TLN2: variants seen among roughly 807,000 people sequenced by gnomAD.
TLN2 encodes the protein talin-2.
TLN2 carries 118 observed loss-of-function variants against 294.7 expected under a neutral mutation model. The observed-to-expected ratio is 0.40, with a 90% CI of 0.34 to 0.47. The LOEUF (loss-of-function observed/expected upper bound fraction) is 0.47, where lower values mean the gene tolerates loss of function less well. Ranked by LOEUF, TLN2 falls within the 20% of genes least tolerant of loss-of-function variation. TLN2 has a pLI of 0.84. For synonymous variants in TLN2, 1,431 were observed against 1,304.5 expected (o/e 1.10, Z -2.09); for missense variants, 3,083 against 3,282.2 (o/e 0.94, Z 1.48).
intron 25 of TLN2, among the ~76,000 whole-genome samples, chr15:62,720,697 G>A (rs8025899): frequency 0.089 from 13,281 of 149,356 alleles, 920 homozygotes; most frequent in African/African-American, 0.2. Flanking sequence ...TTTTAAATTG[G>A]TATTCATTGT....
At chr15:62,776,416 C>G (rs899739388) in intron 42 of TLN2, among the ~76,000 whole-genome samples, 1 of 152,102 alleles carries the variant, frequency 6.6e-6, no homozygotes, top group Admixed American at 6.5e-5. Context: ...CACATTTTTT[C>G]ATTATATTAT....
At chr15:62,706,268 G>T (rs961061051) in intron 19 of TLN2, among the ~76,000 whole-genome samples, 6 of 152,210 alleles carry the variant, frequency 3.9e-5, no homozygotes, top group Admixed American at 3.3e-4. Flanking sequence ...TGTAACCATG[G>T]TTCTTCTTCA....
chr15:62,608,733 CG>C (rs1214433907), intron 2 of TLN2, among the ~76,000 whole-genome samples: 1 of 151,830 alleles, frequency 6.6e-6, no homozygotes, highest in South Asian at 2.1e-4. Context: ...TTAGGGAGGT[CG>C]GGGGTAGACT....
At chr15:62,704,474 C>T (rs1479698693) in intron 19 of TLN2, among the ~76,000 whole-genome samples, 2 of 152,162 alleles carry the variant, frequency 1.3e-5, no homozygotes, top group Non-Finnish European at 2.9e-5. Flanking sequence ...GTTAGTTAAA[C>T]GAAGATGGGA....
intron 46 of TLN2, among the ~76,000 whole-genome samples, chr15:62,795,123 T>C (rs1343784380): frequency 6.6e-6 from 1 of 152,192 alleles, no homozygotes; most frequent in Admixed American, 6.5e-5. Flanking sequence ...TCAGCTGTTT[T>C]GCAGGCTGCT....
At position 62,843,654 on chromosome 15, in the gene TLN2, A is replaced by T. The variant is rs981924410; in HGVS notation, c.*3044A>T. 5.2e-5 allele frequency: 8 copies of T among 152,384 alleles called. No individual in the cohort carries two copies. Among genetic ancestry groups the T allele is most frequent in the East Asian group, 1.9e-4 (1 of 5,182 alleles). 9.4% of individuals were successfully genotyped at this position (152,384 alleles called of 1,614,324 possible). A position where few individuals can be genotyped will look rare whatever the true frequency, so the allele number is the denominator to read the frequency against. ...CACCTGCTTGCTTTCTGGCTGTCTT[A>T]GTCAGTGTGTTTACAGGCAACTAAA... On this transcript the variant is annotated 3_prime_UTR_variant, in exon 59 of 59. Transcript: ENST00000636159.
chr15:62,465,448 C>A (rs1200658730), intron 1 of TLN2, among the ~76,000 whole-genome samples: 8 of 152,132 alleles, frequency 5.3e-5, no homozygotes, highest in Non-Finnish European at 4.4e-5. Flanking sequence ...CCTAGTCAGG[C>A]CAGTTATATT....
chr15:62,824,216 A>ATAAG (rs1429973838), intron 54 of TLN2, among the ~76,000 whole-genome samples: 1 of 152,214 alleles, frequency 6.6e-6, no homozygotes, highest in Non-Finnish European at 1.5e-5. Flanking sequence ...TATAGAAACA[A>ATAAG]TAAGTGTTGA....
At chr15:62,680,063 G>A (rs1596672571) in intron 11 of TLN2, among the ~76,000 whole-genome samples, 3 of 152,034 alleles carry the variant, frequency 2.0e-5, no homozygotes, top group South Asian at 2.1e-4. Flanking sequence ...TCACACTGTC[G>A]TGATCAACTT....
At position 62,607,583 on chromosome 15, in the gene TLN2, G is replaced by A. The variant is rs541579709; in HGVS notation, c.-161-10768G>A. 6.7e-4 allele frequency among the ~76,000 whole-genome samples: 102 copies of A among 152,280 alleles called. 1 individual carries two copies. Among genetic ancestry groups the A allele is most frequent in the African/African-American group, 2.3e-3 (94 of 41,566 alleles). ...AAATATAAGGAATAATAAACGAAAC[G>A]TCCAAAAGGATCCCTCCTTTCAAAC... On this transcript the variant is annotated intron_variant, in intron 2 of 58. Transcript: ENST00000636159.
intron 47 of TLN2, 110 bp from the exon 48 acceptor site, chr15:62,797,109 T>C: frequency 8.1e-7 from 1 of 1,234,578 alleles, no homozygotes; most frequent in Non-Finnish European, 1.1e-6. Flanking sequence ...ACTTCTCTTC[T>C]TCAAAGCCCT....
chr15:62,780,294 G>A (rs914824438), intron 43 of TLN2, among the ~76,000 whole-genome samples: 29 of 152,122 alleles, frequency 1.9e-4, no homozygotes, highest in African/African-American at 7.0e-4. Flanking sequence ...TTCATCATTG[G>A]CATTATCATC....
chr15:62,797,111 C>T (rs1448928190), intron 47 of TLN2, 108 bp from the exon 48 acceptor site: 4 of 1,252,472 alleles, frequency 3.2e-6, no homozygotes, highest in Non-Finnish European at 4.5e-6. Flanking sequence ...TTCTCTTCTT[C>T]AAAGCCCTTT....
intron 1 of TLN2, among the ~76,000 whole-genome samples, chr15:62,484,373 G>A (rs2038268905): frequency 6.6e-6 from 1 of 152,110 alleles, no homozygotes; most frequent in Non-Finnish European, 1.5e-5. Flanking sequence ...TGAAACGGAG[G>A]TCATTCATTT....
At chr15:62,571,821 A>G (rs1024998962) in intron 1 of TLN2, among the ~76,000 whole-genome samples, 1 of 152,230 alleles carries the variant, frequency 6.6e-6, no homozygotes, top group African/African-American at 2.4e-5. Context: ...CTTAAACACA[A>G]TTATAATCCC....
At chr15:62,433,389 C>G (rs1390493726) in intron 1 of TLN2, among the ~76,000 whole-genome samples, 1 of 152,136 alleles carries the variant, frequency 6.6e-6, no homozygotes, top group African/African-American at 2.4e-5. Context: ...AGTTCTGAAA[C>G]TCCATAGGGC....
At chr15:62,693,654 A>G (rs1196466467) in intron 13 of TLN2, among the ~76,000 whole-genome samples, 1 of 151,996 alleles carries the variant, frequency 6.6e-6, no homozygotes, top group Non-Finnish European at 1.5e-5. Flanking sequence ...AGTGGTATAT[A>G]GAAAAACAGA....
chr15:62,702,956 A>G (rs1356110946), intron 19 of TLN2, 92 bp downstream of exon 19: 9 of 1,148,610 alleles, frequency 7.8e-6, no homozygotes, highest in Non-Finnish European at 1.2e-5. Context: ...AAACTAACTA[A>G]ATCTTTGAGA....
chr15:62,425,426 C>T (rs2034656890), intron 1 of TLN2, among the ~76,000 whole-genome samples: 1 of 152,174 alleles, frequency 6.6e-6, no homozygotes, highest in Non-Finnish European at 1.5e-5. Context: ...GCATGGGGCC[C>T]CTTGACCTCG....
Sources: gnomAD v4.1 joint callset for allele counts (sites outside exome capture counted in the v4.1 genomes callset) on GRCh38, gnomAD v4.1.1 for gene constraint, MANE v1.5 for transcripts, NCBI Gene and HGNC (gene_info 2026-07-23, HGNC 2026-07-21) for gene names.